The following DNAH12 variants were observed in gnomAD, a reference collection of about 807,000 sequenced individuals.
DNAH12 encodes axonemal beta dynein heavy chain 12.
Under a neutral mutation model 371.5 loss-of-function variants are expected in DNAH12, and 285 were observed. The observed-to-expected ratio is 0.77, with a 90% CI of 0.70 to 0.85. The LOEUF is 0.85. Among genes scored for constraint, DNAH12 ranks in the 40% least tolerant of loss-of-function variants. The probability of loss-of-function intolerance (pLI) is 0.00; values close to 1 mark genes in which losing one functional copy is unlikely to be tolerated. For missense variants in DNAH12, 3,611 were observed against 3,689.4 expected, an observed-to-expected ratio of 0.98 and a Z score of 0.55; for synonymous variants, 1,200 against 1,213.0, an observed-to-expected ratio of 0.99 and a Z score of 0.22.
chr3:57,301,987 T>A, intron 69 of DNAH12, 48 bp from the exon 70 acceptor site: 1 of 1,518,880 alleles, frequency 6.6e-7, no homozygotes, highest in Non-Finnish European at 8.9e-7. Flanking sequence ...GATATCAACA[T>A]ACGGTCTTTC....
rs1402675183 is a variant in DNAH12 at position 57,405,798 on chromosome 3, T to C, written c.6431A>G (p.His2144Arg). The change falls in exon 41 of 74, where the codon CAT becomes CGT. Residue 2144 changes from histidine (H) to arginine (R), a missense_variant. Coordinates refer to ENST00000495027, the MANE Select transcript of DNAH12 (RefSeq NM_001366028.2). ...ATCATAAAACACTCGGAGAACCTCA[T>C]GCACAAACAGACGGATCATAGTGTG... ...NKHTMIRLFV[H>R]EVLRVFYDRL... The C allele has an allele frequency of 7.7e-6, 12 of 1,551,580 alleles. No individual in the cohort carries two copies. The highest frequency in any genetic ancestry group is 1.0e-5 in the Non-Finnish European group (12 of 1,146,974).
chr3:57,535,533 T>C (rs915330783), intron 2 of DNAH12, among the ~76,000 whole-genome samples: 7 of 151,986 alleles, frequency 4.6e-5, no homozygotes, highest in Admixed American at 1.3e-4. Flanking sequence ...TTTTTTTATA[T>C]TTTATTTTAT....
chr3:57,356,536 AG>A (rs2062806130), intron 59 of DNAH12, among the ~76,000 whole-genome samples: 1 of 151,804 alleles, frequency 6.6e-6, no homozygotes, highest in Admixed American at 6.6e-5. Flanking sequence ...TAGAGACCTC[AG>A]TCTTGGAGAA....
intron 35 of DNAH12, among the ~76,000 whole-genome samples, chr3:57,422,774 G>A (rs952659249): frequency 2.0e-5 from 3 of 152,140 alleles, no homozygotes; most frequent in Non-Finnish European, 4.4e-5. Flanking sequence ...ATTCACTGCA[G>A]CACTATTTGT....
intron 4 of DNAH12, among the ~76,000 whole-genome samples, chr3:57,513,436 G>A (rs868626501): frequency 1.3e-5 from 2 of 152,058 alleles, no homozygotes; most frequent in East Asian, 1.9e-4. Context: ...CATGGCACAC[G>A]TATACCTATG....
intron 40 of DNAH12, 58 bp downstream of exon 40, chr3:57,408,222 A>G: frequency 1.4e-6 from 2 of 1,435,140 alleles, no homozygotes; most frequent in Non-Finnish European, 1.8e-6. Context: ...AAATAAAATA[A>G]GCGCCAAATG....
rs185859403 is a variant in DNAH12, at chr3:57,352,748, C to T, written c.9534-523G>A. Reference sequence around the variant, plus strand: ...GACAAAGCATTATGAAACATTTGCCCGCCCCAAAGAAGCATAAAGTCTAGA... The same window carrying T: ...GACAAAGCATTATGAAACATTTGCCTGCCCCAAAGAAGCATAAAGTCTAGA... On this transcript the variant is annotated intron_variant, in intron 59 of 73. Transcript: ENST00000495027. 4.5e-4 allele frequency among the ~76,000 whole-genome samples: 68 copies of T among 151,846 alleles called. No homozygotes were observed. The East Asian group carries it at 7.2e-3, about 16-fold the overall frequency.
chr3:57,498,466 G>T, intron 11 of DNAH12: 1 of 710,758 alleles, frequency 1.4e-6, no homozygotes, highest in Non-Finnish European at 2.6e-6. Context: ...ACAGGTGCAA[G>T]CTACTATGCC....
At chr3:57,502,187 G>A in intron 10 of DNAH12, 136 bp downstream of exon 10, 2 of 1,184,950 alleles carry the variant, frequency 1.7e-6, no homozygotes, top group Admixed American at 2.3e-5. Flanking sequence ...TCTTGACTCT[G>A]CCAAAAGCTA....
intron 58 of DNAH12, among the ~76,000 whole-genome samples, chr3:57,360,091 A>G (rs1301958688): frequency 1.3e-5 from 2 of 152,336 alleles, no homozygotes; most frequent in East Asian, 3.9e-4. Context: ...AAATAAGCCA[A>G]TAAATGCTCC....
rs1358506051 is a variant in DNAH12, at chr3:57,340,027, T to C, written c.9675-5087A>G. ...TTGAAACCACAGTGAGCTGTGATCA[T>C]ACCACTGCACTCCAGCATGGGGGAC... On this transcript the variant is annotated intron_variant, in intron 60 of 73. Transcript: ENST00000495027. 2.0e-5 allele frequency among the ~76,000 whole-genome samples: 3 copies of C among 150,990 alleles called. No homozygotes were observed. In the East Asian group the frequency reaches 5.9e-4, roughly 29 times the overall value.
chr3:57,552,816 G>A, the DNAH12 span, among the ~76,000 whole-genome samples: 2 of 152,032 alleles, frequency 1.3e-5, no homozygotes, highest in Non-Finnish European at 2.9e-5. Context: ...GGAGTTCAAG[G>A]CTCCAGTGAA....
At chr3:57,375,555 G>A (rs2063264420) in intron 54 of DNAH12, 39 bp from the exon 55 acceptor site, 1 of 151,866 alleles carries the variant, frequency 6.6e-6, no homozygotes, top group Non-Finnish European at 1.5e-5. Flanking sequence ...CCTTCACCTT[G>A]TTAACTGAAA....
At chr3:57,407,253 A>G (rs539822875) in intron 40 of DNAH12, among the ~76,000 whole-genome samples, 1 of 136,286 alleles carries the variant, frequency 7.3e-6, no homozygotes, top group South Asian at 2.7e-4. Context: ...ACCTCCACAC[A>G]TGGTAGGTCT....
At chr3:57,553,911 G>A in the DNAH12 span, among the ~76,000 whole-genome samples, 66 of 148,610 alleles carry the variant, frequency 4.4e-4, no homozygotes, top group African/African-American at 1.6e-3. Flanking sequence ...TGCAACCTCT[G>A]CCTCCCAGGT....
chr3:57,304,257 G>A (rs773012598), intron 69 of DNAH12, among the ~76,000 whole-genome samples: 2 of 152,166 alleles, frequency 1.3e-5, no homozygotes, highest in Admixed American at 6.5e-5. Flanking sequence ...ACATGGAAGC[G>A]AGTGAAATTT....
rs2062688543 is a variant in DNAH12 at position 57,352,066 on chromosome 3, G to A, written c.9674+19C>T. 1.3e-6 allele frequency: 2 copies of A among 1,494,034 alleles called. No individual in the cohort carries two copies. Among genetic ancestry groups the A allele is most frequent in the Non-Finnish European group, 1.8e-6 (2 of 1,128,686 alleles). 92.5% of individuals were successfully genotyped at this position (1,494,034 alleles called of 1,614,324 possible). On this transcript the variant is annotated intron_variant, in intron 60 of 73. Coordinates refer to ENST00000495027, the MANE Select transcript of DNAH12 (RefSeq NM_001366028.2). ...AGGTTTTAAAAATAAATAAATTATG[G>A]TAAAAGCAAGTAACTTACAGAAGAA...
intron 9 of DNAH12, among the ~76,000 whole-genome samples, chr3:57,502,822 G>C (rs1040475577): frequency 2.6e-5 from 4 of 152,170 alleles, no homozygotes; most frequent in South Asian, 2.1e-4. Context: ...TGGGATTACA[G>C]GCGTGAGCCA....
chr3:57,365,711 C>T (rs2063035547), intron 57 of DNAH12, among the ~76,000 whole-genome samples: 1 of 151,898 alleles, frequency 6.6e-6, no homozygotes, highest in Non-Finnish European at 1.5e-5. Flanking sequence ...AAGTGTATTC[C>T]TTTCCAATCT....
Sources: gnomAD v4.1 joint callset for allele counts (sites outside exome capture counted in the v4.1 genomes callset) on GRCh38, gnomAD v4.1.1 for gene constraint, MANE v1.5 for transcripts, NCBI Gene and HGNC (gene_info 2026-07-23, HGNC 2026-07-21) for gene names.